FNDC3A: variants seen among roughly 807,000 people sequenced by gnomAD.
The protein encoded by FNDC3A is fibronectin type III domain containing 3A, also known as fibronectin type-III domain-containing protein 3A.
In FNDC3A, 32 loss-of-function variants were observed where a neutral mutation model predicts 148.9. The observed-to-expected ratio is 0.21, with a 90% CI of 0.16 to 0.29. The LOEUF (loss-of-function observed/expected upper bound fraction) is 0.29. Among genes scored for constraint, FNDC3A ranks in the 10% least tolerant of loss-of-function variants. The pLI is 1.00. For synonymous variants in FNDC3A, 472 were observed against 473.6 expected, an observed-to-expected ratio of 1.00 and a Z score of 0.04; for missense variants, 1,191 against 1,452.8, an observed-to-expected ratio of 0.82 and a Z score of 2.93.
At position 49,136,566 on chromosome 13, in the gene FNDC3A, G is replaced by C; in HGVS notation, c.725G>C (p.Gly242Ala). The C allele has an allele frequency of 6.2e-7, 1 of 1,613,920 alleles. No individual in the cohort carries two copies. Among genetic ancestry groups the C allele is most frequent in the South Asian group, 1.1e-5 (1 of 91,078 alleles). ...TCAGCAAAAATCAAGTCTGGGAAGG[G>C]GAAAGGTGGTACACAAGTTGATACA... ...TGSAKIKSGK[G>A]KGGTQVDTEI... Residue 242 changes from glycine (G) to alanine (A), a missense_variant, in exon 6 of 26, where the codon GGG becomes GCG. By Grantham distance (60) the Gly-to-Ala change is moderately conservative. Around this residue, in one of 3 missense-constraint regions of FNDC3A, gnomAD observed 426 missense variants for 473.2 expected, o/e 0.90. Coordinates refer to ENST00000492622, the MANE Select transcript of FNDC3A (RefSeq NM_001079673.2).
At chr13:48,990,914 CAT>C (rs59259795) in intron 1 of FNDC3A, among the ~76,000 whole-genome samples, 2,363 of 152,156 alleles carry the variant, frequency 0.016, 60 homozygotes, top group African/African-American at 0.052. Context: ...ATAAGTAAAA[CAT>C]GTGTATTGTA....
intron 25 of FNDC3A, among the ~76,000 whole-genome samples, chr13:49,203,857 T>C (rs1276080418): frequency 6.6e-6 from 1 of 152,006 alleles, no homozygotes; most frequent in African/African-American, 2.4e-5. Context: ...GAAGAGTTGA[T>C]AAGGTCGGAT....
chr13:49,175,329 A>G, intron 12 of FNDC3A, 38 bp from the exon 13 acceptor site: 1 of 1,448,186 alleles, frequency 6.9e-7, no homozygotes, highest in Non-Finnish European at 9.2e-7. Context: ...CTGTAAAAAT[A>G]ACTTTTTCAT....
chr13:49,026,830 C>T (rs1005325930), intron 2 of FNDC3A, among the ~76,000 whole-genome samples: 3 of 152,072 alleles, frequency 2.0e-5, no homozygotes, highest in Non-Finnish European at 2.9e-5. Flanking sequence ...AATAAAGTTT[C>T]TAAAGTAGAT....
chr13:49,201,754 A>G (rs768194064), intron 23 of FNDC3A, 46 bp from the exon 24 acceptor site: 2 of 956,292 alleles, frequency 2.1e-6, no homozygotes, highest in Non-Finnish European at 1.5e-6. Context: ...TTAATAAGGT[A>G]TCATAAGGTA....
At chr13:49,091,745 G>A (rs1028903911) in intron 3 of FNDC3A, among the ~76,000 whole-genome samples, 4 of 152,202 alleles carry the variant, frequency 2.6e-5, no homozygotes, top group African/African-American at 9.6e-5. Flanking sequence ...GGGAGAGAAG[G>A]CAGGGTGGCA....
In FNDC3A at chr13:49,147,875, C is replaced by T. The variant is rs191150003; in HGVS notation, c.977+1940C>T. 2.6e-5 allele frequency among the ~76,000 whole-genome samples: 4 copies of T among 152,256 alleles called. No individual in the cohort carries two copies. The East Asian group carries it at 7.7e-4, about 29-fold the overall frequency. On this transcript the variant is annotated intron_variant, in intron 8 of 25. Transcript: ENST00000492622. ...AGTGTATAAGGGCTTTTTTTCTCTG[C>T]ATCCTCACCAGCATCTGTTATTTTT...
intron 9 of FNDC3A, among the ~76,000 whole-genome samples, chr13:49,168,166 T>C (rs1884574874): frequency 6.6e-6 from 1 of 152,220 alleles, no homozygotes; most frequent in South Asian, 2.1e-4. Flanking sequence ...TTATTTCTGT[T>C]AAACTACTAA....
At chr13:48,982,357 A>T (rs536560510) in intron 1 of FNDC3A, among the ~76,000 whole-genome samples, 53 of 152,154 alleles carry the variant, frequency 3.5e-4, no homozygotes, top group South Asian at 4.1e-4. Flanking sequence ...CCTAAAAAAA[A>T]TTTTTAGCAT....
intron 7 of FNDC3A, among the ~76,000 whole-genome samples, chr13:49,144,244 C>T (rs1331595370): frequency 6.6e-6 from 1 of 151,892 alleles, no homozygotes; most frequent in East Asian, 1.9e-4. Context: ...CAGCTGTATA[C>T]TGGATCATAC....
chr13:49,069,038 G>A (rs1428286309), intron 2 of FNDC3A, among the ~76,000 whole-genome samples: 2 of 151,930 alleles, frequency 1.3e-5, no homozygotes, highest in African/African-American at 2.4e-5. Flanking sequence ...AAACCTACAC[G>A]TGTACCGTGA....
chr13:49,103,414 A>C (rs1189021695), intron 3 of FNDC3A, among the ~76,000 whole-genome samples: 1 of 152,242 alleles, frequency 6.6e-6, no homozygotes, highest in East Asian at 1.9e-4. Flanking sequence ...GGCATCACCC[A>C]GTTCATGTGG....
chr13:49,117,870 T>C (rs1176648784), intron 4 of FNDC3A, among the ~76,000 whole-genome samples: 1 of 152,190 alleles, frequency 6.6e-6, no homozygotes, highest in East Asian at 1.9e-4. Context: ...TGCATATGTA[T>C]TTTTACTCCT....
At chr13:49,072,044 C>A (rs1877730349) in intron 2 of FNDC3A, among the ~76,000 whole-genome samples, 1 of 152,000 alleles carries the variant, frequency 6.6e-6, no homozygotes, top group Admixed American at 6.6e-5. Flanking sequence ...TTTATTTTTG[C>A]TTTTGTTGCC....
intron 2 of FNDC3A, among the ~76,000 whole-genome samples, chr13:49,032,849 C>T (rs997995304): frequency 2.0e-5 from 3 of 152,014 alleles, no homozygotes; most frequent in African/African-American, 4.8e-5. Flanking sequence ...GAAATTATAA[C>T]TCTTTACAGG....
chr13:49,111,725 CA>C (rs1231985235), intron 3 of FNDC3A, among the ~76,000 whole-genome samples: 471 of 83,040 alleles, frequency 5.7e-3, no homozygotes, highest in African/African-American at 8.0e-3. Context: ...AACTCCGTCT[CA>C]AAAAAAAAAA....
chr13:49,045,254 A>G (rs1347319652), intron 2 of FNDC3A, among the ~76,000 whole-genome samples: 2 of 151,976 alleles, frequency 1.3e-5, no homozygotes, highest in Non-Finnish European at 2.9e-5. Context: ...CCCAGGTTCA[A>G]GCAATTCTTC....
At chr13:49,164,861 C>T (rs1884369979) in intron 8 of FNDC3A, among the ~76,000 whole-genome samples, 2 of 152,204 alleles carry the variant, frequency 1.3e-5, no homozygotes, top group South Asian at 4.1e-4. Context: ...CTGCCTCGGC[C>T]TCCCGAAGTT....
chr13:49,058,276 AC>A (rs1876402981), intron 2 of FNDC3A, among the ~76,000 whole-genome samples: 1 of 152,130 alleles, frequency 6.6e-6, no homozygotes, highest in Admixed American at 6.5e-5. Flanking sequence ...GGGACTGCAT[AC>A]ACCAGTAATT....
Sources: allele counts gnomAD v4.1 joint callset (sites outside exome capture counted in the v4.1 genomes callset), GRCh38; gene constraint gnomAD v4.1.1; regional missense constraint gnomAD v4.1.1; transcripts MANE v1.5; gene names NCBI Gene and HGNC (gene_info 2026-07-23, HGNC 2026-07-21).